The following GRAMD4 variants were observed in gnomAD, a reference collection of about 807,000 sequenced individuals.
GRAMD4 encodes the protein GRAM domain-containing protein 4.
GRAMD4 carries 25 observed loss-of-function variants against 83.9 expected under a neutral mutation model. The observed-to-expected ratio is 0.30, with a 90% CI of 0.22 to 0.42. The LOEUF is 0.42. Ranked by LOEUF, GRAMD4 falls within the 10% of genes least tolerant of loss-of-function variation. The pLI, the probability that GRAMD4 is intolerant of heterozygous loss-of-function variation, is 1.00. For missense variants in GRAMD4, 593 were observed against 788.7 expected (o/e 0.75, Z 2.97); for synonymous variants, 336 against 320.9 (o/e 1.05, Z -0.50).
chr22:46,579,268 C>T (rs1484999473), intron 1 of GRAMD4, among the ~76,000 whole-genome samples: 2 of 152,202 alleles, frequency 1.3e-5, no homozygotes, highest in Non-Finnish European at 2.9e-5. Context: ...TAGTACCCTC[C>T]TCTTATCTGT....
At chr22:46,663,817 A>T in intron 6 of GRAMD4, 21 bp from the exon 7 acceptor site, 18 of 1,590,884 alleles carry the variant, frequency 1.1e-5, no homozygotes, top group Non-Finnish European at 1.5e-5. Flanking sequence ...CTGGGCTCCC[A>T]TCTCTCCCCT....
intron 3 of GRAMD4, among the ~76,000 whole-genome samples, chr22:46,649,176 C>T (rs1187197731): frequency 6.6e-6 from 1 of 152,200 alleles, no homozygotes; most frequent in South Asian, 2.1e-4. Flanking sequence ...CCTAGAGTCA[C>T]CAGCTGGAAC....
chr22:46,639,812 A>G (rs1056650110), intron 3 of GRAMD4, among the ~76,000 whole-genome samples: 6 of 152,212 alleles, frequency 3.9e-5, no homozygotes, highest in Admixed American at 3.3e-4. Flanking sequence ...GTGACACACT[A>G]TGGCTGTGGT....
upstream of GRAMD4, among the ~76,000 whole-genome samples, chr22:46,619,727 G>C (rs1412333998): frequency 2.0e-5 from 3 of 152,190 alleles, no homozygotes; most frequent in African/African-American, 7.2e-5. Flanking sequence ...TGGCTGTCCA[G>C]CTGCTGGTCT....
In GRAMD4 at chr22:46,650,723, C is replaced by T. The variant is rs187856041; in HGVS notation, c.284-7464C>T. On this transcript the variant is annotated intron_variant, in intron 3 of 18. Transcript: ENST00000406902. ...GATTTCTATGTGCCATGTGTCGCCA[C>T]GCCAGGCTCTTGTCCTGTCCCGGGG... Among the ~76,000 whole-genome samples, 93 of 152,332 alleles carry T rather than the reference C, an allele frequency of 6.1e-4. 1 individual carries two copies. The highest frequency in any genetic ancestry group is 2.0e-3 in the African/African-American group (85 of 41,574).
intron 3 of GRAMD4, among the ~76,000 whole-genome samples, chr22:46,650,290 T>A (rs914158923): frequency 1.3e-5 from 2 of 151,936 alleles, no homozygotes; most frequent in African/African-American, 2.4e-5. Context: ...TTCCTCCCAG[T>A]AACTTCCCTG....
At chr22:46,661,626 A>G (rs1428229159) in intron 5 of GRAMD4, among the ~76,000 whole-genome samples, 184 bp downstream of exon 5, 3 of 152,210 alleles carry the variant, frequency 2.0e-5, no homozygotes, top group Non-Finnish European at 4.4e-5. Context: ...TCCCGTCAGA[A>G]CTGGGTTAGT....
chr22:46,668,736 A>C lies in GRAMD4; in HGVS notation c.974+4A>C. ...ACATCCTGGAGAAGATCAAGAAGTA[A>C]GTCCCGCCCCCCACCCCGGCCCTGC... On this transcript the variant is annotated splice_donor_region_variant and intron_variant, in intron 12 of 18. Transcript: ENST00000406902. 8.4e-7 allele frequency: 1 copy of C among 1,187,752 alleles called. No homozygotes were observed. Among genetic ancestry groups the C allele is most frequent in the Non-Finnish European group, 1.2e-6 (1 of 818,210 alleles). 73.6% of individuals were successfully genotyped at this position (1,187,752 alleles called of 1,614,324 possible).
rs1352644300 is a variant in GRAMD4, at chr22:46,679,401, C to T, written c.*2150C>T. Reference sequence around the variant, plus strand: ...GGAGCGGGGGGTCGGGGGAGGGCCACCGACTGGCTCTGCTGCCAGCACAGG... The same window carrying T: ...GGAGCGGGGGGTCGGGGGAGGGCCATCGACTGGCTCTGCTGCCAGCACAGG... On this transcript the variant is annotated 3_prime_UTR_variant, in exon 19 of 19. Transcript: ENST00000406902. The T allele has an allele frequency of 2.0e-6, 2 of 985,372 alleles. No homozygotes were observed. Among genetic ancestry groups the T allele is most frequent in the Non-Finnish European group, 2.4e-6 (2 of 829,954 alleles). 61.0% of individuals were successfully genotyped at this position (985,372 alleles called of 1,614,324 possible). A position where few individuals can be genotyped will look rare whatever the true frequency, so the allele number is the denominator to read the frequency against.
chr22:46,588,277 G>A (rs1212786117), intron 1 of GRAMD4, among the ~76,000 whole-genome samples: 2 of 151,822 alleles, frequency 1.3e-5, no homozygotes. Context: ...GATGGATGAG[G>A]AGCCAGTAGG....
chr22:46,620,090 G>A (rs115004275), upstream of GRAMD4, among the ~76,000 whole-genome samples: 1,370 of 152,266 alleles, frequency 9.0e-3, 11 homozygotes, highest in African/African-American at 0.031. The surrounding 1 kb of genome is among the most constrained non-coding windows in gnomAD (Gnocchi z 4.7). Context: ...ACACGGCTCA[G>A]GGCAAGCGCC....
chr22:46,674,612 G>A lies in GRAMD4; in HGVS notation c.1385-45G>A, dbSNP rs749151951. Reference sequence around the variant, plus strand: ...GGTCCCAGCGTCAGGTCAGAGGCTGGGTACTTCCAGTGGAAAGTGTGACAG... The same window carrying A: ...GGTCCCAGCGTCAGGTCAGAGGCTGAGTACTTCCAGTGGAAAGTGTGACAG... On this transcript the variant is annotated intron_variant, in intron 15 of 18. Transcript: ENST00000406902. 9 of 1,304,688 alleles carry A rather than the reference G, an allele frequency of 6.9e-6. No individual in the cohort carries two copies. The East Asian group carries it at 1.8e-4, about 27-fold the overall frequency. 80.8% of individuals were successfully genotyped at this position (1,304,688 alleles called of 1,614,324 possible).
At chr22:46,665,739 C>A (rs745539401) in intron 9 of GRAMD4, 33 bp downstream of exon 9, 3 of 1,118,020 alleles carry the variant, frequency 2.7e-6, no homozygotes, top group Non-Finnish European at 4.1e-6. Flanking sequence ...GCTGCTTTAT[C>A]CCACCGCATG....
At chr22:46,667,262 C>T (rs2082424415) in intron 10 of GRAMD4, among the ~76,000 whole-genome samples, 1 of 152,172 alleles carries the variant, frequency 6.6e-6, no homozygotes, top group South Asian at 2.1e-4. Context: ...GATTCAAGAG[C>T]CCACCTCTCG....
At chr22:46,658,091 C>T in intron 3 of GRAMD4, 96 bp from the exon 4 acceptor site, 1 of 1,475,484 alleles carries the variant, frequency 6.8e-7, no homozygotes, top group South Asian at 1.1e-5. Flanking sequence ...AGAGACCCCT[C>T]TGCTGTTTCT....
At chr22:46,631,306 CG>C (rs2081773059) in intron 2 of GRAMD4, among the ~76,000 whole-genome samples, 1 of 152,254 alleles carries the variant, frequency 6.6e-6, no homozygotes, top group Non-Finnish European at 1.5e-5. Context: ...AGGCCCAGCA[CG>C]TGTCACACGC....
intron 5 of GRAMD4, 30 bp from the exon 6 acceptor site, chr22:46,663,010 G>T (rs757143449): frequency 2.5e-6 from 4 of 1,579,450 alleles, no homozygotes; most frequent in Non-Finnish European, 3.4e-6. Context: ...CAGCCCTGCC[G>T]TGCCCTCACC....
chr22:46,590,254 G>A (rs774666367), intron 1 of GRAMD4, among the ~76,000 whole-genome samples: 1 of 152,192 alleles, frequency 6.6e-6, no homozygotes, highest in Non-Finnish European at 1.5e-5. Context: ...CAGCTCTGGG[G>A]CCACATGGAT....
At chr22:46,667,527 T>C (rs1343778094) in intron 10 of GRAMD4, among the ~76,000 whole-genome samples, 2 of 152,246 alleles carry the variant, frequency 1.3e-5, no homozygotes, top group Non-Finnish European at 2.9e-5. Flanking sequence ...TCTGGCCCTT[T>C]ACAGAAGTCT....
Sources: allele counts gnomAD v4.1 joint callset (sites outside exome capture counted in the v4.1 genomes callset), GRCh38; gene constraint gnomAD v4.1.1; non-coding constraint Gnocchi (gnomAD v3.1); transcripts MANE v1.5; gene names NCBI Gene and HGNC (gene_info 2026-07-23, HGNC 2026-07-21).